ACTN4: variants seen among roughly 807,000 people sequenced by gnomAD.
ACTN4 encodes alpha-actinin-4.
A neutral mutation model predicts 114.2 loss-of-function variants in ACTN4; 18 were observed. The ratio of observed to expected loss-of-function variants is 0.16; its 90% CI spans 0.11 to 0.23. The LOEUF (loss-of-function observed/expected upper bound fraction) is 0.23. ACTN4 is among the 10% of genes least tolerant of loss of function. The pLI is 1.00. For synonymous variants in ACTN4, 515 were observed against 506.3 expected (o/e 1.02, Z -0.23); for missense variants, 722 against 1,262.9 (o/e 0.57, Z 6.49).
intron 19 of ACTN4, 190 bp downstream of exon 19, chr19:38,728,216 C>A: frequency 7.2e-7 from 1 of 1,391,484 alleles, no homozygotes; most frequent in Non-Finnish European, 9.9e-7. Context: ...TGTCTCCCTG[C>A]TCCCCGCCAC....
chr19:38,670,591 C>T (rs968412361), intron 1 of ACTN4, among the ~76,000 whole-genome samples: 10 of 152,108 alleles, frequency 6.6e-5, no homozygotes, highest in Non-Finnish European at 1.3e-4. Flanking sequence ...TGGGACTTCA[C>T]GAAGCTGGAA....
At chr19:38,665,825 CG>C (rs1568682668) in intron 1 of ACTN4, among the ~76,000 whole-genome samples, 1 of 152,004 alleles carries the variant, frequency 6.6e-6, no homozygotes, top group Non-Finnish European at 1.5e-5. Flanking sequence ...TGCTATCAGC[CG>C]GGGGGCTCTT....
At position 38,691,880 on chromosome 19, in the gene ACTN4, C is replaced by T. The variant is rs139866445; in HGVS notation, c.163-8720C>T. On this transcript the variant is annotated intron_variant, in intron 1 of 20. Transcript: ENST00000252699. ...ATCATGCCACCGCACTCCAACCTGG[C>T]GACACAGCGAGACTCTGTCTCAAAA... Among the ~76,000 whole-genome samples, 109 of 152,202 alleles carry T rather than the reference C, an allele frequency of 7.2e-4. 1 individual carries two copies. In the East Asian group the frequency reaches 0.017, roughly 24 times the overall value.
rs144698717 is a variant in ACTN4, at chr19:38,703,775, A to G, written c.398-1159A>G. On this transcript the variant is annotated intron_variant, in intron 3 of 20. Transcript: ENST00000252699. Reference sequence around the variant, plus strand: ...GATGCCTTGGGGCAGCACAGGGGCCAGGGAGAGGAACTGGGTGGCGGGTTG... The same window carrying G: ...GATGCCTTGGGGCAGCACAGGGGCCGGGGAGAGGAACTGGGTGGCGGGTTG... 3.4e-3 allele frequency among the ~76,000 whole-genome samples: 525 copies of G among 152,204 alleles called. 2 individuals carry two copies. Among genetic ancestry groups the G allele is most frequent in the African/African-American group, 0.012 (509 of 41,540 alleles).
chr19:38,705,949 G>C, intron 4 of ACTN4, 95 bp from the exon 5 acceptor site: 2 of 1,288,246 alleles, frequency 1.6e-6, no homozygotes, highest in South Asian at 1.2e-5. Flanking sequence ...GGTTTCGTTT[G>C]ACCCCAGGCC....
At chr19:38,728,444 C>T (rs1485143064) in intron 19 of ACTN4, 2 of 1,087,736 alleles carry the variant, frequency 1.8e-6, no homozygotes, top group Non-Finnish European at 2.4e-6. Context: ...CCTCCTCCTC[C>T]TCCTCCCCCC....
At chr19:38,710,950 C>T (rs1479364500) in intron 8 of ACTN4, 1 of 173,618 alleles carries the variant, frequency 5.8e-6, no homozygotes, top group Admixed American at 5.4e-5. Flanking sequence ...GCCATGGGAG[C>T]CCCTTAGGGT....
At chr19:38,648,903 T>A (rs1371774361) in intron 1 of ACTN4, among the ~76,000 whole-genome samples, 1 of 151,114 alleles carries the variant, frequency 6.6e-6, no homozygotes, top group Non-Finnish European at 1.5e-5. Flanking sequence ...TGAGCTGGAA[T>A]GGTGGATAAT....
At chr19:38,703,805 G>A (rs1224008491) in intron 3 of ACTN4, among the ~76,000 whole-genome samples, 1 of 152,080 alleles carries the variant, frequency 6.6e-6, no homozygotes, top group East Asian at 1.9e-4. Flanking sequence ...GGGTTGGGGA[G>A]CTCCTTGGGA....
At chr19:38,718,207 C>A in intron 11 of ACTN4, 133 bp downstream of exon 11, 1 of 1,441,256 alleles carries the variant, frequency 6.9e-7, no homozygotes, top group Non-Finnish European at 9.5e-7. Flanking sequence ...TTTCTTGCTG[C>A]TTGGGAGCAT....
At position 38,730,169 on chromosome 19, in the gene ACTN4, A is replaced by C. The variant is rs1969461077; in HGVS notation, c.*737A>C. 1 of 150,366 alleles carries C rather than the reference A, an allele frequency of 6.7e-6. No homozygotes were observed. The highest frequency in any genetic ancestry group is 2.8e-5 in the African/African-American group (1 of 36,146). 9.3% of individuals were successfully genotyped at this position (150,366 alleles called of 1,614,324 possible). On this transcript the variant is annotated 3_prime_UTR_variant, in exon 21 of 21. Coordinates refer to ENST00000252699, the MANE Select transcript of ACTN4 (RefSeq NM_004924.6). ...ATCACAAAAACAAAAAAACTATAAA[A>C]AAGAAAGAATTAAAAACTTTCAGAG...
chr19:38,659,249 C>T (rs960631430), intron 1 of ACTN4, among the ~76,000 whole-genome samples: 7 of 151,698 alleles, frequency 4.6e-5, no homozygotes, highest in Non-Finnish European at 1.0e-4. Flanking sequence ...TTAGGAGAGA[C>T]GGAGTTTCAC....
intron 8 of ACTN4, chr19:38,711,214 G>A (rs1968638775): frequency 7.9e-6 from 7 of 882,650 alleles, no homozygotes; most frequent in Non-Finnish European, 8.2e-6. Context: ...CGGCCCGGCC[G>A]CCCTCCCTGC....
At chr19:38,692,010 C>T (rs907168310) in intron 1 of ACTN4, among the ~76,000 whole-genome samples, 2 of 152,050 alleles carry the variant, frequency 1.3e-5, no homozygotes, top group African/African-American at 2.4e-5. Context: ...GGGAGGGGGC[C>T]GGGTGCAAAG....
intron 1 of ACTN4, among the ~76,000 whole-genome samples, chr19:38,671,839 T>G (rs890734993): frequency 2.0e-5 from 3 of 152,370 alleles, no homozygotes; most frequent in Non-Finnish European, 2.9e-5. Context: ...TTTAACTTTT[T>G]TAGGCTCTGT....
At chr19:38,725,490 G>A (rs536504073) in intron 16 of ACTN4, among the ~76,000 whole-genome samples, 2 of 152,350 alleles carry the variant, frequency 1.3e-5, no homozygotes, top group South Asian at 2.1e-4. Context: ...CACAGGGAGC[G>A]CTTGGCAGAG....
Position 38,727,150 on chromosome 19 carries a change from GT to G in ACTN4, c.2337+48del, listed in dbSNP as rs778805646. The G allele has an allele frequency of 6.2e-7, 1 of 1,612,734 alleles. No homozygotes were observed. Among genetic ancestry groups the G allele is most frequent in the East Asian group, 2.2e-5 (1 of 44,860 alleles). The stretch of plus-strand genomic sequence containing the variant: ...CGGCCTCTCCCCTCCCGCCGTTGCC[GT>G]ACCAGCCCACACCTTCGTCTCTGCA... On this transcript the variant is annotated intron_variant, in intron 18 of 20. Transcript: ENST00000252699. The surrounding 1 kb of genome is among the most constrained non-coding windows in gnomAD (Gnocchi z 5.4).
rs191532828 is a variant in ACTN4 at position 38,723,610 on chromosome 19, G to A, written c.1443-4G>A. 139 of 1,606,134 alleles carry A rather than the reference G, an allele frequency of 8.7e-5. No homozygotes were observed. The Middle Eastern group carries it at 2.1e-3, about 25-fold the overall frequency. ...AGTCTCATTGCTCTCTGCCCGGCCCGCAGCGAGCTGGATTACTACGACTCC... is the reference window on the plus strand; with the variant it reads ...AGTCTCATTGCTCTCTGCCCGGCCCACAGCGAGCTGGATTACTACGACTCC... On this transcript the variant is annotated splice_region_variant and splice_polypyrimidine_tract_variant and intron_variant, in intron 12 of 20. Transcript: ENST00000252699.
intron 9 of ACTN4, among the ~76,000 whole-genome samples, chr19:38,716,454 G>C (rs1396656793): frequency 2.0e-5 from 3 of 152,218 alleles, no homozygotes; most frequent in Non-Finnish European, 4.4e-5. Flanking sequence ...GCGGCAGTGG[G>C]GCATGTGACA....
Sources: allele counts gnomAD v4.1 joint callset (sites outside exome capture counted in the v4.1 genomes callset), GRCh38; gene constraint gnomAD v4.1.1; non-coding constraint Gnocchi (gnomAD v3.1); transcripts MANE v1.5; gene names NCBI Gene and HGNC (gene_info 2026-07-23, HGNC 2026-07-21).